The following SCML4 variants were observed in gnomAD, a reference collection of about 807,000 sequenced individuals.
The protein encoded by SCML4 is Scm polycomb group protein like 4, also known as sex comb on midleg-like protein 4.
SCML4 carries 34 observed loss-of-function variants against 41.1 expected under a neutral mutation model. That is an observed-to-expected ratio of 0.83 (90% confidence interval 0.63 to 1.10). The LOEUF (loss-of-function observed/expected upper bound fraction) is 1.10. Ranked by LOEUF, SCML4 falls within the 50% of genes least tolerant of loss-of-function variation. The pLI, the probability that SCML4 is intolerant of heterozygous loss-of-function variation, is 0.00. For missense variants in SCML4, 522 were observed against 534.1 expected, an observed-to-expected ratio of 0.98 and a Z score of 0.22; for synonymous variants, 214 against 220.9, an observed-to-expected ratio of 0.97 and a Z score of 0.28.
chr6:107,831,996 G>C, the SCML4 span, among the ~76,000 whole-genome samples: 7 of 151,586 alleles, frequency 4.6e-5, no homozygotes, highest in African/African-American at 1.7e-4. Flanking sequence ...CCGGGAGGTG[G>C]AGCTTGCAGT....
intron 1 of SCML4, 28 bp from the exon 2 acceptor site, chr6:107,772,414 A>G (rs886532076): frequency 7.0e-6 from 9 of 1,282,914 alleles, no homozygotes; most frequent in Non-Finnish European, 9.5e-6. Flanking sequence ...CACAAAGCAA[A>G]ACAAAAACAG....
chr6:107,806,147 G>C (rs1783706178), intron 1 of SCML4, among the ~76,000 whole-genome samples: 1 of 151,548 alleles, frequency 6.6e-6, no homozygotes, highest in Non-Finnish European at 1.5e-5. Flanking sequence ...TCCAACTTAA[G>C]AGTCCCTTCT....
intron 6 of SCML4, chr6:107,719,662 G>A (rs1775173580): frequency 6.5e-6 from 1 of 152,714 alleles, no homozygotes; most frequent in African/African-American, 2.4e-5. Context: ...TTACCTCCTA[G>A]GTCTTGTACT....
At chr6:107,727,679 A>G (rs1776131009) in intron 5 of SCML4, among the ~76,000 whole-genome samples, 1 of 152,242 alleles carries the variant, frequency 6.6e-6, no homozygotes, top group Admixed American at 6.5e-5. Flanking sequence ...CCTCTGGGTC[A>G]GAAGCCTTCG....
chr6:107,822,520 T>TTTTTTC (rs1491064921), intron 1 of SCML4, among the ~76,000 whole-genome samples: 1 of 134,602 alleles, frequency 7.4e-6, no homozygotes, highest in Non-Finnish European at 1.7e-5. Context: ...TTTTTTTTTT[T>TTTTTTC]TGCAGCAAAA....
rs114428280 is a variant in SCML4, at chr6:107,733,039, T to C, written c.682+11910A>G. Among the ~76,000 whole-genome samples, 338 of 152,270 alleles carry C rather than the reference T, an allele frequency of 2.2e-3. 1 individual carries two copies. The highest frequency in any genetic ancestry group is 7.2e-3 in the African/African-American group (301 of 41,560). ...CATCTGGCAACAAACCAACAGCTCA[T>C]TGGAAACTCAGTCCTGCTGACAACC... is the stretch of plus-strand genomic sequence containing the variant. On this transcript the variant is annotated intron_variant, in intron 5 of 7. Transcript: ENST00000369020.
intron 5 of SCML4, among the ~76,000 whole-genome samples, chr6:107,743,170 A>C (rs1439079656): frequency 6.6e-6 from 1 of 152,174 alleles, no homozygotes; most frequent in Non-Finnish European, 1.5e-5. Flanking sequence ...TATAAGCCTC[A>C]TGGCAACCAC....
rs972041832 is a variant in SCML4 at position 107,704,884 on chromosome 6, C to A, written c.*316G>T. 1.3e-4 allele frequency: 51 copies of A among 397,292 alleles called. No homozygotes were observed. The highest frequency in any genetic ancestry group is 1.2e-4 in the Non-Finnish European group (25 of 215,244). The allele number at this position is 397,292 out of a possible 1,614,324, so 24.6% of individuals were successfully genotyped here. On this transcript the variant is annotated 3_prime_UTR_variant, in exon 8 of 8. Transcript: ENST00000369020. Reference sequence around the variant, plus strand: ...TGAACCCTCCAGAACTCTCCTTGGGCATAAGCATTCAGTTCCCCACTCTCT... The same window carrying A: ...TGAACCCTCCAGAACTCTCCTTGGGAATAAGCATTCAGTTCCCCACTCTCT...
chr6:107,718,465 G>T (rs1775051675), intron 6 of SCML4: 1 of 152,438 alleles, frequency 6.6e-6, no homozygotes, highest in East Asian at 1.9e-4. Context: ...TTTATTAGCA[G>T]AACAGACTCA....
chr6:107,772,570 A>C (rs1178966251), intron 1 of SCML4, among the ~76,000 whole-genome samples, 184 bp from the exon 2 acceptor site: 1 of 152,168 alleles, frequency 6.6e-6, no homozygotes, highest in East Asian at 1.9e-4. Context: ...TGGGGGAGTT[A>C]ACTGGTGTAA....
upstream of SCML4, among the ~76,000 whole-genome samples, chr6:107,826,312 GA>G (rs982335482): frequency 2.0e-5 from 3 of 151,348 alleles, no homozygotes; most frequent in Non-Finnish European, 4.4e-5. Context: ...AGAAAAAGAA[GA>G]AAAGAAAAGG....
At chr6:107,812,454 A>G (rs1784226943) in intron 1 of SCML4, among the ~76,000 whole-genome samples, 2 of 152,192 alleles carry the variant, frequency 1.3e-5, no homozygotes, top group Admixed American at 1.3e-4. Flanking sequence ...TTTATGTTTC[A>G]ACTAGATTGG....
At chr6:107,721,052 G>A in intron 5 of SCML4, 59 bp from the exon 6 acceptor site, 3 of 1,521,424 alleles carry the variant, frequency 2.0e-6, no homozygotes, top group Non-Finnish European at 1.8e-6. Context: ...GAAGCTATCA[G>A]ACCCTCCGTC....
At chr6:107,716,488 C>T (rs898232786) in intron 6 of SCML4, among the ~76,000 whole-genome samples, 3 of 152,128 alleles carry the variant, frequency 2.0e-5, no homozygotes, top group Non-Finnish European at 4.4e-5. Context: ...GTCTGGCCCC[C>T]TTGAGTGTAG....
chr6:107,715,688 G>T (rs981904127), intron 6 of SCML4, among the ~76,000 whole-genome samples: 3 of 152,104 alleles, frequency 2.0e-5, no homozygotes, highest in African/African-American at 7.2e-5. Flanking sequence ...GAGCCCACTG[G>T]CAGCGGAGAC....
intron 1 of SCML4, among the ~76,000 whole-genome samples, chr6:107,822,192 C>T (rs1291850835): frequency 6.6e-6 from 1 of 152,096 alleles, no homozygotes; most frequent in Non-Finnish European, 1.5e-5. Context: ...GAAAGTGTTA[C>T]TGAGTATTTT....
At chr6:107,803,744 C>A (rs201822294) in intron 1 of SCML4, among the ~76,000 whole-genome samples, 7,654 of 148,774 alleles carry the variant, frequency 0.051, 469 homozygotes, top group African/African-American at 0.17. Flanking sequence ...TGATCTGTGA[C>A]CTTACCCCCA....
upstream of SCML4, among the ~76,000 whole-genome samples, chr6:107,827,105 A>G (rs7755486): frequency 0.29 from 42,396 of 148,296 alleles, 8,801 homozygotes; most frequent in African/African-American, 0.59. Flanking sequence ...ATATTTAAGT[A>G]AACAATATTT....
intron 1 of SCML4, among the ~76,000 whole-genome samples, chr6:107,808,524 G>A (rs1340158744): frequency 2.0e-5 from 3 of 152,016 alleles, no homozygotes; most frequent in African/African-American, 4.8e-5. Flanking sequence ...CTCCCACCGC[G>A]GCCTCCCAGA....
Sources: gnomAD v4.1 joint callset for allele counts (sites outside exome capture counted in the v4.1 genomes callset) on GRCh38, gnomAD v4.1.1 for gene constraint, MANE v1.5 for transcripts, NCBI Gene and HGNC (gene_info 2026-07-23, HGNC 2026-07-21) for gene names.